FBXO4: variants seen among roughly 807,000 people sequenced by gnomAD.
FBXO4 encodes the protein F-box protein 4.
FBXO4 carries 36 observed loss-of-function variants against 43.7 expected under a neutral mutation model. The observed-to-expected ratio is 0.82, with a 90% CI of 0.63 to 1.09. FBXO4 has a LOEUF of 1.09. Ranked by LOEUF, FBXO4 falls within the 50% of genes least tolerant of loss-of-function variation. The pLI is 0.00. For missense variants in FBXO4, 435 were observed against 474.1 expected, an observed-to-expected ratio of 0.92 and a Z score of 0.77; for synonymous variants, 180 against 165.6, an observed-to-expected ratio of 1.09 and a Z score of -0.67.
At chr5:41,958,511 T>C in the FBXO4 span, among the ~76,000 whole-genome samples, 1 of 152,232 alleles carries the variant, frequency 6.6e-6, no homozygotes, top group Admixed American at 6.5e-5. Flanking sequence ...TCATTCCTCT[T>C]GTCTAACCGA....
chr5:41,959,285 G>A, the FBXO4 span, among the ~76,000 whole-genome samples: 9 of 152,088 alleles, frequency 5.9e-5, no homozygotes, highest in South Asian at 1.9e-3. Context: ...ATATCTTTTG[G>A]ATATTAACTC....
At chr5:41,954,964 CA>C in the FBXO4 span, among the ~76,000 whole-genome samples, 1 of 152,066 alleles carries the variant, frequency 6.6e-6, no homozygotes, top group South Asian at 2.1e-4. Context: ...CAAAAATTTC[CA>C]AAATATTTGG....
the FBXO4 span, among the ~76,000 whole-genome samples, chr5:42,035,865 T>C: frequency 2.6e-5 from 4 of 152,102 alleles, no homozygotes; most frequent in Admixed American, 6.6e-5. Flanking sequence ...TTAATATTTT[T>C]TATTGGCTCA....
chr5:41,936,536 C>A (rs981329560), intron 5 of FBXO4, among the ~76,000 whole-genome samples: 1 of 151,756 alleles, frequency 6.6e-6, no homozygotes, highest in East Asian at 1.9e-4. Flanking sequence ...CTGTCCCCAA[C>A]CCACAAAAAA....
At chr5:42,002,675 A>G in the FBXO4 span, among the ~76,000 whole-genome samples, 1 of 152,166 alleles carries the variant, frequency 6.6e-6, no homozygotes, top group Non-Finnish European at 1.5e-5. Context: ...TATGTCATCT[A>G]TCTATACCAT....
At chr5:41,972,969 C>T in the FBXO4 span, among the ~76,000 whole-genome samples, 1 of 152,138 alleles carries the variant, frequency 6.6e-6, no homozygotes, top group African/African-American at 2.4e-5. Flanking sequence ...ATAAAAACCC[C>T]AAGAAGAAAA....
intron 5 of FBXO4, among the ~76,000 whole-genome samples, chr5:41,939,083 G>A (rs1238185453): frequency 6.6e-6 from 1 of 152,138 alleles, no homozygotes; most frequent in East Asian, 1.9e-4. Context: ...GGAACATTGA[G>A]GCTATCTTAA....
chr5:41,970,979 A>G, the FBXO4 span, among the ~76,000 whole-genome samples: 4 of 152,044 alleles, frequency 2.6e-5, no homozygotes. Flanking sequence ...ATTATAAGAA[A>G]TTTAACAAAT....
At chr5:41,977,098 G>T in the FBXO4 span, among the ~76,000 whole-genome samples, 7 of 152,172 alleles carry the variant, frequency 4.6e-5, no homozygotes, top group African/African-American at 1.7e-4. Flanking sequence ...GGGCAATGGG[G>T]CCCTGGATCT....
chr5:42,028,907 T>G, the FBXO4 span, among the ~76,000 whole-genome samples: 1 of 151,976 alleles, frequency 6.6e-6, no homozygotes, highest in Non-Finnish European at 1.5e-5. Flanking sequence ...ATCTATGTCT[T>G]GAAAAGTTGT....
the FBXO4 span, among the ~76,000 whole-genome samples, chr5:41,998,849 C>A: frequency 6.6e-6 from 1 of 152,120 alleles, no homozygotes; most frequent in Non-Finnish European, 1.5e-5. Flanking sequence ...AGCTCTTTCT[C>A]TACAGGAGAT....
chr5:41,929,256 T>C (rs1007860881), intron 2 of FBXO4, among the ~76,000 whole-genome samples: 1 of 152,224 alleles, frequency 6.6e-6, no homozygotes, highest in Non-Finnish European at 1.5e-5. Context: ...GATTAATGTT[T>C]AGCAGCATCC....
At chr5:41,993,618 G>GATATATATATATATATATATATATAT in the FBXO4 span, among the ~76,000 whole-genome samples, 100 of 136,614 alleles carry the variant, frequency 7.3e-4, no homozygotes, top group South Asian at 9.7e-4. Context: ...GAACTAATAG[G>GATATATATATATATATATATATATAT]ATATATATAT....
chr5:41,973,610 G>A, the FBXO4 span, among the ~76,000 whole-genome samples: 2 of 152,180 alleles, frequency 1.3e-5, no homozygotes, highest in Non-Finnish European at 2.9e-5. Flanking sequence ...GAACCCATGA[G>A]GTTGAGGCTG....
At chr5:41,969,494 G>A in the FBXO4 span, among the ~76,000 whole-genome samples, 1 of 151,978 alleles carries the variant, frequency 6.6e-6, no homozygotes, top group Non-Finnish European at 1.5e-5. Flanking sequence ...GGAATGTATT[G>A]GTTCATGTTT....
the FBXO4 span, among the ~76,000 whole-genome samples, chr5:42,026,714 A>C: frequency 2.6e-5 from 4 of 151,856 alleles, no homozygotes; most frequent in South Asian, 8.3e-4. Flanking sequence ...ATATGGCTTC[A>C]ATATGATGAG....
chr5:41,960,471 A>G, the FBXO4 span, among the ~76,000 whole-genome samples: 1 of 152,126 alleles, frequency 6.6e-6, no homozygotes, highest in South Asian at 2.1e-4. Flanking sequence ...ATTGAGTACG[A>G]TATTAGCTGT....
At chr5:41,932,265 G>T (rs546557477) in intron 3 of FBXO4, among the ~76,000 whole-genome samples, 3 of 152,318 alleles carry the variant, frequency 2.0e-5, no homozygotes, top group African/African-American at 7.2e-5. Flanking sequence ...CGACTATATT[G>T]GGCTGAAGTT....
At chr5:42,028,175 A>C in the FBXO4 span, among the ~76,000 whole-genome samples, 21 of 151,706 alleles carry the variant, frequency 1.4e-4, no homozygotes, top group Non-Finnish European at 2.2e-4. Context: ...TAGCTCTAAT[A>C]ATATTTGCTT....
Sources: gnomAD v4.1 joint callset for allele counts (sites outside exome capture counted in the v4.1 genomes callset) on GRCh38, gnomAD v4.1.1 for gene constraint, MANE v1.5 for transcripts, NCBI Gene and HGNC (gene_info 2026-07-23, HGNC 2026-07-21) for gene names.